The following BAZ2B variants were observed in gnomAD, a reference collection of about 807,000 sequenced individuals.
The protein encoded by BAZ2B is bromodomain adjacent to zinc finger domain 2B.
Under a neutral mutation model 246.0 loss-of-function variants are expected in BAZ2B, and 91 were observed. That is an observed-to-expected ratio of 0.37 (90% CI 0.31 to 0.44). The LOEUF is 0.44. BAZ2B is among the 20% of genes least tolerant of loss of function. BAZ2B has a pLI of 1.00. For missense variants in BAZ2B, 2,332 were observed against 2,533.7 expected (o/e 0.92, Z 1.71); for synonymous variants, 855 against 860.0 (o/e 0.99, Z 0.10).
At chr2:159,373,807 G>A (rs1449626816) in intron 26 of BAZ2B, among the ~76,000 whole-genome samples, 1 of 152,154 alleles carries the variant, frequency 6.6e-6, no homozygotes, top group Non-Finnish European at 1.5e-5. Context: ...CTAGGTGCCA[G>A]AGCAAGACTC....
At chr2:159,362,901 T>G (rs150367752) in intron 27 of BAZ2B, among the ~76,000 whole-genome samples, 1 of 147,890 alleles carries the variant, frequency 6.8e-6, no homozygotes, top group African/African-American at 2.5e-5. Flanking sequence ...AAATTCCCAC[T>G]GTTTATCTGT....
At chr2:159,361,463 G>A (rs546977229) in intron 27 of BAZ2B, among the ~76,000 whole-genome samples, 6 of 152,194 alleles carry the variant, frequency 3.9e-5, no homozygotes, top group Non-Finnish European at 8.8e-5. Flanking sequence ...AGATGCTGGC[G>A]AGGCTGTGGA....
At chr2:159,536,430 T>A (rs1386965582) in intron 2 of BAZ2B, 1 of 152,196 alleles carries the variant, frequency 6.6e-6, no homozygotes, top group Non-Finnish European at 1.5e-5. Flanking sequence ...GTATTTCTAA[T>A]AATAAATAAA....
the BAZ2B span, among the ~76,000 whole-genome samples, chr2:159,688,138 C>T: frequency 1.3e-5 from 2 of 152,302 alleles, no homozygotes; most frequent in Admixed American, 1.3e-4. Context: ...CTCCCTGACT[C>T]AAGCAATCCT....
At chr2:159,497,859 A>G (rs895772791) in intron 2 of BAZ2B, among the ~76,000 whole-genome samples, 3 of 152,204 alleles carry the variant, frequency 2.0e-5, no homozygotes, top group Non-Finnish European at 2.9e-5. Context: ...TGCTACTTAC[A>G]CCACTGAGAC....
At chr2:159,515,218 A>G (rs1033611994) in intron 2 of BAZ2B, among the ~76,000 whole-genome samples, 5 of 152,040 alleles carry the variant, frequency 3.3e-5, no homozygotes, top group Non-Finnish European at 5.9e-5. Flanking sequence ...TGTCCATAAT[A>G]CATATATACA....
chr2:159,534,084 A>G (rs1395581683), intron 2 of BAZ2B, among the ~76,000 whole-genome samples: 2 of 152,224 alleles, frequency 1.3e-5, no homozygotes, highest in Non-Finnish European at 2.9e-5. Flanking sequence ...CATAATTTCA[A>G]GTAAAAACCT....
the BAZ2B span, among the ~76,000 whole-genome samples, chr2:159,688,536 A>G: frequency 6.6e-6 from 1 of 152,232 alleles, no homozygotes; most frequent in African/African-American, 2.4e-5. Context: ...TAGTATTAAT[A>G]CAATACTATC....
intron 4 of BAZ2B, among the ~76,000 whole-genome samples, chr2:159,449,724 T>C (rs1023862909): frequency 2.6e-5 from 4 of 152,186 alleles, no homozygotes; most frequent in African/African-American, 9.6e-5. Flanking sequence ...CAAGAATAAC[T>C]ATACAAAAGC....
chr2:159,331,925 G>C (rs1034083364), intron 34 of BAZ2B, among the ~76,000 whole-genome samples: 1 of 152,148 alleles, frequency 6.6e-6, no homozygotes, highest in African/African-American at 2.4e-5. Context: ...CAAACCGAAA[G>C]TCCTGGTGAG....
At chr2:159,708,214 A>G in the BAZ2B span, among the ~76,000 whole-genome samples, 1 of 151,844 alleles carries the variant, frequency 6.6e-6, no homozygotes, top group African/African-American at 2.4e-5. Context: ...GGACAGCTTT[A>G]GCCTAGAAGC....
rs2058375929 is a variant in BAZ2B, at chr2:159,349,936, A to G, written c.4635T>C (p.Asn1545=). 2 of 1,614,150 alleles carry G rather than the reference A, an allele frequency of 1.2e-6. No homozygotes were observed. The highest frequency in any genetic ancestry group is 2.7e-5 in the African/African-American group (2 of 75,052). The stretch of plus-strand genomic sequence containing the variant: ...CAGTCAGCGTTTTTAGTAACTGGTC[A>G]TTGGGGAGAGGACTGTAGAACTTCC... ...GPGKFYSPLP[N]DQLLKTLTEK... is the part of the protein sequence containing the mutation. Residue 1545 remains asparagine (N), a synonymous_variant, in exon 28 of 37, where the codon AAT becomes AAC. Coordinates refer to ENST00000392783, the MANE Select transcript of BAZ2B (RefSeq NM_013450.4).
chr2:159,634,926 G>A, the BAZ2B span, among the ~76,000 whole-genome samples: 8 of 152,090 alleles, frequency 5.3e-5, no homozygotes, highest in African/African-American at 9.7e-5. Flanking sequence ...AAAGAGAGGC[G>A]AATTATCTTT....
chr2:159,432,753 T>C lies in BAZ2B; in HGVS notation c.1900+4A>G, dbSNP rs771965223. 3 of 1,606,094 alleles carry C rather than the reference T, an allele frequency of 1.9e-6. No homozygotes were observed. In the South Asian group the frequency reaches 3.3e-5, roughly 18 times the overall value. ...AATACTTTAAATTTTAAAATGAAAA[T>C]AACCTGATTGGCTGTCATCAGATTC... On this transcript the variant is annotated splice_donor_region_variant and intron_variant, in intron 9 of 36. Transcript: ENST00000392783.
the BAZ2B span, among the ~76,000 whole-genome samples, chr2:159,657,973 T>C: frequency 6.6e-6 from 1 of 152,226 alleles, no homozygotes; most frequent in Admixed American, 6.5e-5. Context: ...TGACACCGAA[T>C]GGGAGCGGTG....
chr2:159,520,882 C>T (rs1194398157), intron 2 of BAZ2B, among the ~76,000 whole-genome samples: 1 of 152,072 alleles, frequency 6.6e-6, no homozygotes, highest in Admixed American at 6.5e-5. Flanking sequence ...CAGTTTGATT[C>T]GTATTTGAAC....
the BAZ2B span, among the ~76,000 whole-genome samples, chr2:159,706,760 C>G: frequency 6.6e-6 from 1 of 152,184 alleles, no homozygotes; most frequent in Non-Finnish European, 1.5e-5. Context: ...TAATTTTATA[C>G]GACAGCTTGG....
At chr2:159,428,081 A>T in intron 12 of BAZ2B, 39 bp from the exon 13 acceptor site, 1 of 1,554,904 alleles carries the variant, frequency 6.4e-7, no homozygotes, top group Non-Finnish European at 8.9e-7. Flanking sequence ...AGGTTTTAAT[A>T]ATTACAACCC....
intron 3 of BAZ2B, among the ~76,000 whole-genome samples, chr2:159,466,221 C>T (rs1174982512): frequency 6.6e-6 from 1 of 152,134 alleles, no homozygotes; most frequent in Admixed American, 6.5e-5. Context: ...ATTCCTTATC[C>T]TGTAGCTTAT....
Sources: gnomAD v4.1 joint callset for allele counts (sites outside exome capture counted in the v4.1 genomes callset) on GRCh38, gnomAD v4.1.1 for gene constraint, MANE v1.5 for transcripts, NCBI Gene and HGNC (gene_info 2026-07-23, HGNC 2026-07-21) for gene names.